Variants in CTXND2 observed in about 807,000 individuals in gnomAD.
CTXND2 encodes cortexin domain containing 2.
chr1:150,899,683 T>G (rs1668966403), intron 1 of CTXND2, among the ~76,000 whole-genome samples: 1 of 152,108 alleles, frequency 6.6e-6, no homozygotes, highest in African/African-American at 2.4e-5. Flanking sequence ...CATGGCCTGA[T>G]GCAGTGGCTC....
rs1468408784 is a variant in CTXND2, at chr1:150,911,005, C to T, written c.-73-1237C>T. 3.9e-5 allele frequency among the ~76,000 whole-genome samples: 6 copies of T among 152,158 alleles called. No individual in the cohort carries two copies. The South Asian group carries it at 6.2e-4, about 16-fold the overall frequency. On this transcript the variant is annotated intron_variant, in intron 1 of 1. Coordinates refer to ENST00000636087, the Ensembl canonical transcript of CTXND2. ...ATTTTTAGTAGAGACGGGGTTTTACCGTGTTAGCCAGGATGGTCTCGATCT... is the reference window on the plus strand; with the variant it reads ...ATTTTTAGTAGAGACGGGGTTTTACTGTGTTAGCCAGGATGGTCTCGATCT...
chr1:150,900,231 A>G (rs1668983632), intron 1 of CTXND2, among the ~76,000 whole-genome samples: 2 of 150,276 alleles, frequency 1.3e-5, no homozygotes, highest in Non-Finnish European at 3.0e-5. Flanking sequence ...TCACTCCTGA[A>G]GTCAGTGAGA....
intron 1 of CTXND2, among the ~76,000 whole-genome samples, chr1:150,899,970 G>A (rs976669982): frequency 1.3e-5 from 2 of 152,066 alleles, no homozygotes; most frequent in East Asian, 1.9e-4. Context: ...CTGTAAAAAC[G>A]GACCAATCAG....
chr1:150,888,215 A>AT lies in CTXND2; in HGVS notation c.-74+905dup, dbSNP rs1198190663. 8.2e-3 allele frequency among the ~76,000 whole-genome samples: 1,009 copies of AT among 122,898 alleles called. 22 individuals are homozygous for AT. Among genetic ancestry groups the AT allele is most frequent in the African/African-American group, 0.026 (956 of 36,076 alleles). The allele number at this position is 122,898 out of a possible 152,430, so 80.6% of individuals were successfully genotyped here. A position where few individuals can be genotyped will look rare whatever the true frequency, so the allele number is the denominator to read the frequency against. On this transcript the variant is annotated intron_variant, in intron 1 of 1. Coordinates refer to ENST00000636087, the Ensembl canonical transcript of CTXND2. Reference sequence around the variant, plus strand: ...CCCCATTTTGAAAACATTTTACCTAATTTATTTTTTTTTTTTTTGAGACAG... The same window carrying AT: ...CCCCATTTTGAAAACATTTTACCTAATTTTATTTTTTTTTTTTTTGAGACAG...
At chr1:150,904,098 A>G (rs1669093343) in intron 1 of CTXND2, 2 of 664,342 alleles carry the variant, frequency 3.0e-6, no homozygotes, top group South Asian at 2.7e-5. Flanking sequence ...CTGATGGAGT[A>G]TTTGGAAAAT....
intron 1 of CTXND2, among the ~76,000 whole-genome samples, chr1:150,905,006 T>TA (rs1042755452): frequency 1.3e-5 from 2 of 149,224 alleles, no homozygotes; most frequent in African/African-American, 4.9e-5. Flanking sequence ...GTAGAGGAGA[T>TA]ACACACAAAT....
At chr1:150,890,151 C>T (rs1668828798) in intron 1 of CTXND2, among the ~76,000 whole-genome samples, 1 of 152,070 alleles carries the variant, frequency 6.6e-6, no homozygotes, top group South Asian at 2.1e-4. Flanking sequence ...AATATAGACA[C>T]ACTAGAAAAT....
chr1:150,887,710 G>A (rs12410394), intron 1 of CTXND2, among the ~76,000 whole-genome samples: 53,998 of 151,870 alleles, frequency 0.36, 9,998 homozygotes, highest in South Asian at 0.54. Context: ...AAAAAAAGCT[G>A]CATTATTGTG....
chr1:150,898,858 A>T (rs2102597278), intron 1 of CTXND2, among the ~76,000 whole-genome samples: 1 of 150,442 alleles, frequency 6.6e-6, no homozygotes, highest in East Asian at 1.9e-4. Context: ...CGGGCGGATC[A>T]CGAGGTCAGG....
intron 1 of CTXND2, among the ~76,000 whole-genome samples, chr1:150,900,437 C>A (rs1558000165): frequency 6.6e-6 from 1 of 152,208 alleles, no homozygotes; most frequent in African/African-American, 2.4e-5. Context: ...CTGTAACACT[C>A]ACCGTGAGGG....
At chr1:150,894,585 T>C (rs1399377077) in intron 1 of CTXND2, among the ~76,000 whole-genome samples, 1 of 152,196 alleles carries the variant, frequency 6.6e-6, no homozygotes, top group Non-Finnish European at 1.5e-5. Context: ...TTATTTTATT[T>C]AGCGGGTACA....
intron 1 of CTXND2, among the ~76,000 whole-genome samples, chr1:150,911,292 T>C (rs1669252810): frequency 6.6e-6 from 1 of 152,028 alleles, no homozygotes; most frequent in South Asian, 2.1e-4. Flanking sequence ...TCTGTCTTTG[T>C]ACCAGTACCA....
chr1:150,904,501 G>A (rs1401869197), intron 1 of CTXND2, among the ~76,000 whole-genome samples: 1 of 152,152 alleles, frequency 6.6e-6, no homozygotes, highest in South Asian at 2.1e-4. Context: ...AAGATGGTGA[G>A]TACCATCTTC....
intron 1 of CTXND2, among the ~76,000 whole-genome samples, chr1:150,907,321 C>T (rs1239790291): frequency 6.6e-6 from 1 of 152,196 alleles, no homozygotes; most frequent in Non-Finnish European, 1.5e-5. Flanking sequence ...TATCATTTAA[C>T]TTTCACCCCC....
intron 1 of CTXND2, among the ~76,000 whole-genome samples, chr1:150,911,047 G>A (rs931452613): frequency 3.3e-5 from 5 of 151,592 alleles, no homozygotes; most frequent in Admixed American, 6.6e-5. Context: ...CTCATAATCC[G>A]CCTGCCTCGG....
chr1:150,900,684 A>C (rs587649533), intron 1 of CTXND2, among the ~76,000 whole-genome samples: 354 of 152,248 alleles, frequency 2.3e-3, no homozygotes, highest in Non-Finnish European at 3.6e-3. Flanking sequence ...GAATAGTGAG[A>C]AAATATTTGC....
At chr1:150,898,929 A>ATAT (rs1489418492) in intron 1 of CTXND2, among the ~76,000 whole-genome samples, 198 of 135,812 alleles carry the variant, frequency 1.5e-3, no homozygotes, top group African/African-American at 5.0e-3. Flanking sequence ...TACAAAAAAA[A>ATAT]AAATATATAT....
chr1:150,905,100 AC>A (rs1210957046), intron 1 of CTXND2, among the ~76,000 whole-genome samples: 3 of 148,836 alleles, frequency 2.0e-5, no homozygotes, highest in Non-Finnish European at 3.0e-5. Flanking sequence ...ACACACACAC[AC>A]ACAAATCACC....
intron 1 of CTXND2, among the ~76,000 whole-genome samples, chr1:150,898,306 G>C (rs2102596904): frequency 6.6e-6 from 1 of 152,192 alleles, no homozygotes; most frequent in African/African-American, 2.4e-5. Flanking sequence ...ACAATGCTGA[G>C]TCTAATATAT....
Sources: gnomAD v4.1 joint callset for allele counts (sites outside exome capture counted in the v4.1 genomes callset) on GRCh38, gnomAD v4.1.1 for gene constraint, MANE v1.5 for transcripts, NCBI Gene and HGNC (gene_info 2026-07-23, HGNC 2026-07-21) for gene names.